Variants in SPMIP7 observed in about 807,000 individuals in gnomAD.
SPMIP7 encodes sperm microtubule inner protein 7.
chr7:50,103,650 C>G, the SPMIP7 span, among the ~76,000 whole-genome samples: 5 of 152,110 alleles, frequency 3.3e-5, no homozygotes, highest in African/African-American at 1.2e-4. Context: ...CCTTTTTCAT[C>G]CAAGTTCTAC....
At chr7:50,133,417 C>CT in the SPMIP7 span, among the ~76,000 whole-genome samples, 1 of 152,098 alleles carries the variant, frequency 6.6e-6, no homozygotes, top group Non-Finnish European at 1.5e-5. Context: ...AATAGCTGAC[C>CT]TTAAGCAAAG....
the SPMIP7 span, among the ~76,000 whole-genome samples, chr7:50,116,979 G>A: frequency 6.6e-6 from 1 of 152,130 alleles, no homozygotes; most frequent in Non-Finnish European, 1.5e-5. Context: ...AGCTTTTCCT[G>A]ACCTACAATT....
chr7:50,158,012 C>T, the SPMIP7 span, among the ~76,000 whole-genome samples: 25 of 152,320 alleles, frequency 1.6e-4, no homozygotes, highest in African/African-American at 5.3e-4. Flanking sequence ...TGGGAACAGT[C>T]AACTTAAATA....
the SPMIP7 span, among the ~76,000 whole-genome samples, chr7:50,158,378 A>C: frequency 1.5e-5 from 2 of 137,122 alleles, no homozygotes; most frequent in East Asian, 2.2e-4. Context: ...AGGTCCCCCA[A>C]CCCATGTCTT....
the SPMIP7 span, among the ~76,000 whole-genome samples, chr7:50,112,895 G>T: frequency 6.6e-6 from 1 of 151,422 alleles, no homozygotes; most frequent in Admixed American, 6.6e-5. Context: ...GAGGAGCAGT[G>T]GGGCTTTGGA....
chr7:50,104,341 C>T, the SPMIP7 span: 3 of 1,537,752 alleles, frequency 2.0e-6, no homozygotes, highest in South Asian at 1.2e-5. Flanking sequence ...AAAGTTACTC[C>T]CTTACAACCT....
the SPMIP7 span, among the ~76,000 whole-genome samples, chr7:50,130,580 C>A: frequency 1.3e-5 from 2 of 152,154 alleles, no homozygotes; most frequent in East Asian, 3.9e-4. Flanking sequence ...CAATAATAAA[C>A]AAACACACTT....
the SPMIP7 span, among the ~76,000 whole-genome samples, chr7:50,113,558 A>G: frequency 6.6e-6 from 1 of 152,210 alleles, no homozygotes; most frequent in Non-Finnish European, 1.5e-5. Context: ...ATAAGTTGGT[A>G]GTTTTAAGAA....
At chr7:50,158,741 C>T in the SPMIP7 span, among the ~76,000 whole-genome samples, 1 of 152,102 alleles carries the variant, frequency 6.6e-6, no homozygotes, top group African/African-American at 2.4e-5. Flanking sequence ...ATTCCCCCGG[C>T]CACCCCACCC....
the SPMIP7 span, among the ~76,000 whole-genome samples, chr7:50,102,397 C>T: frequency 1.3e-5 from 2 of 152,106 alleles, no homozygotes; most frequent in East Asian, 1.9e-4. Context: ...AAATCAACTT[C>T]CAAGCGCATT....
chr7:50,152,343 T>TA, the SPMIP7 span, among the ~76,000 whole-genome samples: 40 of 149,768 alleles, frequency 2.7e-4, no homozygotes, highest in East Asian at 3.3e-3. Context: ...AGACTCCATC[T>TA]AAAAAAAAAA....
At chr7:50,158,457 C>T in the SPMIP7 span, among the ~76,000 whole-genome samples, 2 of 150,898 alleles carry the variant, frequency 1.3e-5, no homozygotes, top group African/African-American at 4.9e-5. Flanking sequence ...CCCCTCCCAC[C>T]GATGTCTTCT....
At chr7:50,123,753 G>T in the SPMIP7 span, among the ~76,000 whole-genome samples, 1 of 151,210 alleles carries the variant, frequency 6.6e-6, no homozygotes, top group East Asian at 1.9e-4. Flanking sequence ...GGCTTAAGTT[G>T]GAATTCTAAA....
the SPMIP7 span, among the ~76,000 whole-genome samples, chr7:50,157,132 C>T: frequency 6.6e-6 from 1 of 152,168 alleles, no homozygotes; most frequent in Non-Finnish European, 1.5e-5. Flanking sequence ...GAGAAAACTG[C>T]ACTGGTGGTT....
chr7:50,103,070 T>TA, the SPMIP7 span, among the ~76,000 whole-genome samples: 1 of 137,344 alleles, frequency 7.3e-6, no homozygotes, highest in Non-Finnish European at 1.6e-5. Context: ...ATATATAATA[T>TA]ATATAATATT....
At chr7:50,110,975 G>A in the SPMIP7 span, among the ~76,000 whole-genome samples, 1 of 139,480 alleles carries the variant, frequency 7.2e-6, no homozygotes, top group African/African-American at 2.6e-5. Flanking sequence ...TAAACCATCA[G>A]CTAATATATA....
chr7:50,152,224 G>A, the SPMIP7 span, among the ~76,000 whole-genome samples: 1 of 152,238 alleles, frequency 6.6e-6, no homozygotes, highest in East Asian at 1.9e-4. Context: ...GTGGGCACCT[G>A]TAATCCCAGC....
At chr7:50,147,190 T>C in the SPMIP7 span, among the ~76,000 whole-genome samples, 1 of 152,252 alleles carries the variant, frequency 6.6e-6, no homozygotes, top group Non-Finnish European at 1.5e-5. Flanking sequence ...GTAGCTGATA[T>C]AGAATGGCTC....
At chr7:50,104,350 C>T in the SPMIP7 span, 3 of 1,541,342 alleles carry the variant, frequency 1.9e-6, no homozygotes, top group Non-Finnish European at 2.6e-6. Context: ...CCCTTACAAC[C>T]TCATCATGAA....
Sources: gnomAD v4.1 joint callset for allele counts (sites outside exome capture counted in the v4.1 genomes callset) on GRCh38, gnomAD v4.1.1 for gene constraint, MANE v1.5 for transcripts, NCBI Gene and HGNC (gene_info 2026-07-23, HGNC 2026-07-21) for gene names.